Variants in NAALADL2 observed in about 807,000 individuals in gnomAD.
The protein encoded by NAALADL2 is inactive N-acetylated-alpha-linked acidic dipeptidase-like protein 2.
Under a neutral mutation model 87.2 loss-of-function variants are expected in NAALADL2, and 76 were observed. The observed-to-expected ratio is 0.87, with a 90% CI of 0.72 to 1.05. The LOEUF (loss-of-function observed/expected upper bound fraction) is 1.05, where lower values mean the gene tolerates loss of function less well. Among genes scored for constraint, NAALADL2 ranks in the 50% least tolerant of loss-of-function variants. The pLI is 0.00. For missense variants in NAALADL2, 1,089 were observed against 945.8 expected, an observed-to-expected ratio of 1.15 and a Z score of -1.99; for synonymous variants, 354 against 331.0, an observed-to-expected ratio of 1.07 and a Z score of -0.75.
chr3:175,058,775 A>G (rs1042025043), intron 1 of NAALADL2, among the ~76,000 whole-genome samples: 12 of 152,142 alleles, frequency 7.9e-5, no homozygotes, highest in African/African-American at 2.9e-4. Flanking sequence ...TTGTTAAACT[A>G]TTTTCTCTAC....
At position 175,394,995 on chromosome 3, in the gene NAALADL2, T is replaced by C. The variant is rs146516832; in HGVS notation, c.1091-52234T>C. On this transcript the variant is annotated intron_variant, in intron 5 of 13. Transcript: ENST00000454872. ...TTATTCAAGAAAAACACTGCTTATCTTTGGCATGTCACAATTGCCAACATC... is the reference window on the plus strand; with the variant it reads ...TTATTCAAGAAAAACACTGCTTATCCTTGGCATGTCACAATTGCCAACATC... Among the ~76,000 whole-genome samples the C allele has an allele frequency of 2.7e-3, 405 of 152,242 alleles. 3 individuals are homozygous for C. The highest frequency in any genetic ancestry group is 9.4e-3 in the African/African-American group (391 of 41,534).
chr3:175,464,918 G>A lies in NAALADL2; in HGVS notation c.1327+1425G>A, dbSNP rs763678275. On this transcript the variant is annotated intron_variant, in intron 7 of 13. Transcript: ENST00000454872. The stretch of plus-strand genomic sequence containing the variant: ...AATATTTATTATCACTGATACATTC[G>A]CAAGTTGTTATTGGAAAACCCAGTT... Among the ~76,000 whole-genome samples the A allele has an allele frequency of 3.6e-4, 55 of 152,124 alleles. 3 individuals are homozygous for A. The highest frequency in any genetic ancestry group is 2.6e-3 in the Admixed American group (39 of 15,268).
chr3:175,739,708 CAAACA>C (rs2150090685), intron 12 of NAALADL2, among the ~76,000 whole-genome samples: 1 of 152,192 alleles, frequency 6.6e-6, no homozygotes, highest in African/African-American at 2.4e-5. Flanking sequence ...TCAAAACAAA[CAAACA>C]AAACAAAAAC....
intron 2 of NAALADL2, among the ~76,000 whole-genome samples, chr3:174,616,476 T>C (rs932820286): frequency 6.6e-6 from 1 of 151,986 alleles, no homozygotes; most frequent in African/African-American, 2.4e-5. Context: ...TTCACTGGTA[T>C]TTTGGGAACA....
chr3:175,732,243 G>C (rs921779267), intron 11 of NAALADL2, among the ~76,000 whole-genome samples: 3 of 152,116 alleles, frequency 2.0e-5, no homozygotes, highest in African/African-American at 7.2e-5. Flanking sequence ...AAAATGCATA[G>C]TTATTTATTT....
chr3:174,917,677 G>A (rs1734593852), intron 1 of NAALADL2, among the ~76,000 whole-genome samples: 1 of 151,182 alleles, frequency 6.6e-6, no homozygotes, highest in Non-Finnish European at 1.5e-5. Context: ...AAACCTTTAT[G>A]GTTTAGTTAA....
rs964115245 is a variant in NAALADL2 at position 175,120,522 on chromosome 3, A to G, written c.545+23231A>G. 7.9e-5 allele frequency among the ~76,000 whole-genome samples: 12 copies of G among 151,812 alleles called. No individual in the cohort carries two copies. The South Asian group carries it at 2.3e-3, about 29-fold the overall frequency. ...TCATGCAGTTCTAACTGAAATGACA[A>G]GAGTGAAGGCCATTAAAAATAATGC... On this transcript the variant is annotated intron_variant, in intron 2 of 13. Transcript: ENST00000454872.
Position 175,474,200 on chromosome 3 carries a change from A to G in NAALADL2, c.1653+2442A>G, listed in dbSNP as rs1238207667. Among the ~76,000 whole-genome samples, 5 of 152,194 alleles carry G rather than the reference A, an allele frequency of 3.3e-5. No individual in the cohort carries two copies. In the South Asian group the frequency reaches 8.3e-4, roughly 25 times the overall value. ...TAAATTGTAAATGACACAAGACTGT[A>G]TAGAATATCTAATCCTTTGTATAGC... On this transcript the variant is annotated intron_variant, in intron 9 of 13. Coordinates refer to ENST00000454872, the MANE Select transcript of NAALADL2 (RefSeq NM_207015.3).
intron 2 of NAALADL2, among the ~76,000 whole-genome samples, chr3:175,161,235 T>G (rs548100230): frequency 6.6e-6 from 1 of 152,120 alleles, no homozygotes; most frequent in African/African-American, 2.4e-5. Flanking sequence ...GAAGCCAACT[T>G]TTGCTAACTT....
intron 1 of NAALADL2, among the ~76,000 whole-genome samples, chr3:174,467,885 AT>A (rs911471720): frequency 1.3e-4 from 19 of 149,872 alleles, no homozygotes; most frequent in East Asian, 1.9e-4. Context: ...GCTGAACAAA[AT>A]TTTTTTTTTA....
chr3:174,884,299 CAT>C (rs1350627094), intron 1 of NAALADL2, among the ~76,000 whole-genome samples: 1 of 152,162 alleles, frequency 6.6e-6, no homozygotes, highest in Non-Finnish European at 1.5e-5. Flanking sequence ...TGATTCAGAG[CAT>C]ATGTGACCTT....
At chr3:175,288,160 C>T (rs1755209522) in intron 4 of NAALADL2, among the ~76,000 whole-genome samples, 1 of 152,130 alleles carries the variant, frequency 6.6e-6, no homozygotes, top group African/African-American at 2.4e-5. Flanking sequence ...CAGCTCACTG[C>T]AACCTCTGCC....
intron 3 of NAALADL2, among the ~76,000 whole-genome samples, chr3:174,762,855 A>G (rs867996538): frequency 6.6e-6 from 1 of 152,226 alleles, no homozygotes; most frequent in Non-Finnish European, 1.5e-5. Flanking sequence ...GGAGCTTGAA[A>G]AATTAAAACA....
At chr3:175,746,633 T>C (rs1383443877) in intron 12 of NAALADL2, among the ~76,000 whole-genome samples, 2 of 152,210 alleles carry the variant, frequency 1.3e-5, no homozygotes, top group Non-Finnish European at 2.9e-5. Context: ...TGTATCATGT[T>C]AGATTTCTAG....
chr3:175,486,572 A>C (rs1727292712), intron 9 of NAALADL2, among the ~76,000 whole-genome samples: 1 of 151,944 alleles, frequency 6.6e-6, no homozygotes, highest in South Asian at 2.1e-4. Flanking sequence ...GTGAACTTAC[A>C]CCCCCAAATC....
At chr3:175,793,410 C>T (rs547931805) in intron 13 of NAALADL2, among the ~76,000 whole-genome samples, 33 of 150,768 alleles carry the variant, frequency 2.2e-4, no homozygotes, top group South Asian at 1.3e-3. Context: ...CCCGTGTTCA[C>T]GCCATTCTCC....
intron 10 of NAALADL2, among the ~76,000 whole-genome samples, chr3:175,581,502 C>A (rs1719779627): frequency 6.6e-6 from 1 of 152,098 alleles, no homozygotes; most frequent in Non-Finnish European, 1.5e-5. Context: ...CCTGTTCCTG[C>A]ATTATCTTTT....
chr3:174,873,689 G>A (rs1433269154), intron 1 of NAALADL2, among the ~76,000 whole-genome samples: 2 of 152,020 alleles, frequency 1.3e-5, no homozygotes, highest in South Asian at 2.1e-4. Context: ...TGAGTCAAAT[G>A]AAATCTGGGA....
chr3:174,508,269 A>G (rs1487046334), intron 1 of NAALADL2, among the ~76,000 whole-genome samples: 1 of 151,830 alleles, frequency 6.6e-6, no homozygotes, highest in African/African-American at 2.4e-5. Flanking sequence ...GCCTGCCACC[A>G]TGCCCGGCTA....
Sources: gnomAD v4.1 joint callset for allele counts (sites outside exome capture counted in the v4.1 genomes callset) on GRCh38, gnomAD v4.1.1 for gene constraint, MANE v1.5 for transcripts, NCBI Gene and HGNC (gene_info 2026-07-23, HGNC 2026-07-21) for gene names.